The following SLC9A9 variants were observed in gnomAD, a reference collection of about 807,000 sequenced individuals.
SLC9A9 encodes sodium/hydrogen exchanger 9.
In SLC9A9, 62 loss-of-function variants were observed where a neutral mutation model predicts 77.8. That is an observed-to-expected ratio of 0.80 (90% CI 0.65 to 0.98). The LOEUF (loss-of-function observed/expected upper bound fraction) is 0.98, where lower values mean the gene tolerates loss of function less well. Ranked by LOEUF, SLC9A9 falls within the 50% of genes least tolerant of loss-of-function variation. SLC9A9 has a pLI of 0.00. For missense variants in SLC9A9, 775 were observed against 774.9 expected, an observed-to-expected ratio of 1.00 and a Z score of 0.00; for synonymous variants, 320 against 283.5, an observed-to-expected ratio of 1.13 and a Z score of -1.29.
chr3:143,524,614 G>A (rs1330434027), intron 9 of SLC9A9, among the ~76,000 whole-genome samples: 2 of 152,042 alleles, frequency 1.3e-5, no homozygotes, highest in Non-Finnish European at 2.9e-5. Context: ...ACTTTCCAGA[G>A]CCCCTATCAT....
intron 12 of SLC9A9, among the ~76,000 whole-genome samples, chr3:143,388,499 A>G (rs1205612853): frequency 2.0e-5 from 3 of 152,176 alleles, no homozygotes; most frequent in Non-Finnish European, 2.9e-5. Context: ...TCCCAACTAT[A>G]AGAGGGGATA....
intron 12 of SLC9A9, among the ~76,000 whole-genome samples, chr3:143,456,753 C>T (rs186065469): frequency 1.5e-4 from 23 of 151,970 alleles, no homozygotes; most frequent in African/African-American, 3.4e-4. Context: ...TTAATAGAGA[C>T]GGAGTTTCAC....
intron 12 of SLC9A9, among the ~76,000 whole-genome samples, chr3:143,419,628 C>T (rs956741842): frequency 6.6e-6 from 1 of 152,148 alleles, no homozygotes; most frequent in African/African-American, 2.4e-5. Flanking sequence ...TTATGAAGGC[C>T]TACCCTGTGT....
At chr3:143,507,894 G>A (rs144274280) in intron 9 of SLC9A9, among the ~76,000 whole-genome samples, 1 of 152,230 alleles carries the variant, frequency 6.6e-6, no homozygotes, top group East Asian at 1.9e-4. Flanking sequence ...AGAGCAGAGA[G>A]AATGAGCAAG....
intron 14 of SLC9A9, among the ~76,000 whole-genome samples, chr3:143,340,541 T>C (rs1171083061): frequency 6.6e-6 from 1 of 152,200 alleles, no homozygotes; most frequent in East Asian, 1.9e-4. Context: ...TTGCAACCAC[T>C]CTATAGCTAG....
chr3:143,709,492 A>G (rs1934084528), intron 4 of SLC9A9, among the ~76,000 whole-genome samples: 1 of 152,160 alleles, frequency 6.6e-6, no homozygotes, highest in African/African-American at 2.4e-5. Context: ...CACTTTGAGT[A>G]TGAAACTCGA....
At chr3:143,812,882 C>T (rs2008905609) in intron 2 of SLC9A9, among the ~76,000 whole-genome samples, 2 of 152,292 alleles carry the variant, frequency 1.3e-5, no homozygotes, top group Admixed American at 6.5e-5. Context: ...ACATTTACTA[C>T]ATTAAGCCGC....
chr3:143,611,959 T>TGAGAAA (rs1442577020), intron 6 of SLC9A9, among the ~76,000 whole-genome samples: 1 of 152,158 alleles, frequency 6.6e-6, no homozygotes, highest in African/African-American at 2.4e-5. Context: ...TAGTCTCAAA[T>TGAGAAA]TCCTGGGTTC....
chr3:143,717,288 G>A (rs746275050), intron 4 of SLC9A9, among the ~76,000 whole-genome samples: 5 of 152,180 alleles, frequency 3.3e-5, no homozygotes, highest in Non-Finnish European at 7.3e-5. Flanking sequence ...GCTGGTCACT[G>A]GACTAGATGT....
chr3:143,790,411 G>C lies in SLC9A9; in HGVS notation c.533+4590C>G, dbSNP rs572213309. Among the ~76,000 whole-genome samples the C allele has an allele frequency of 4.6e-5, 7 of 152,264 alleles. No individual in the cohort carries two copies. The South Asian group carries it at 1.5e-3, about 32-fold the overall frequency. On this transcript the variant is annotated intron_variant, in intron 4 of 15. Coordinates refer to ENST00000316549, the MANE Select transcript of SLC9A9 (RefSeq NM_173653.4). ...TGCAATTATATTCACAGCCAATTCTGAAATATTTAGATTTTTCATGATTTC... is the reference window on the plus strand; with the variant it reads ...TGCAATTATATTCACAGCCAATTCTCAAATATTTAGATTTTTCATGATTTC...
At chr3:143,667,367 C>A (rs1350739054) in intron 5 of SLC9A9, among the ~76,000 whole-genome samples, 2 of 152,160 alleles carry the variant, frequency 1.3e-5, no homozygotes, top group African/African-American at 4.8e-5. Context: ...AGACTTAAAA[C>A]CATAAAAACC....
At chr3:143,451,804 C>CAA (rs2035012900) in intron 12 of SLC9A9, among the ~76,000 whole-genome samples, 1 of 152,034 alleles carries the variant, frequency 6.6e-6, no homozygotes, top group Admixed American at 6.6e-5. Context: ...TGGGATAAGA[C>CAA]ATATCAGAGT....
intron 6 of SLC9A9, among the ~76,000 whole-genome samples, chr3:143,644,661 G>T (rs1453605715): frequency 6.6e-6 from 1 of 152,140 alleles, no homozygotes; most frequent in Non-Finnish European, 1.5e-5. Flanking sequence ...TCCCAGGGTG[G>T]CCTTGCCATT....
chr3:143,544,497 T>C (rs537732568), intron 9 of SLC9A9, among the ~76,000 whole-genome samples: 7 of 152,268 alleles, frequency 4.6e-5, no homozygotes, highest in African/African-American at 1.7e-4. Flanking sequence ...AAAGTGCCCT[T>C]TGCCCAATTT....
At chr3:143,432,679 G>A (rs980980804) in intron 12 of SLC9A9, among the ~76,000 whole-genome samples, 108 of 152,298 alleles carry the variant, frequency 7.1e-4, no homozygotes, top group African/African-American at 2.5e-3. Context: ...CCAGGCTGGA[G>A]TGCAGTGGCG....
At chr3:143,616,232 C>A (rs1420452826) in intron 6 of SLC9A9, among the ~76,000 whole-genome samples, 1 of 152,098 alleles carries the variant, frequency 6.6e-6, no homozygotes, top group Non-Finnish European at 1.5e-5. Context: ...TTCACTTTTA[C>A]CATCTGCACA....
chr3:143,506,050 A>C (rs1395339162), intron 9 of SLC9A9, among the ~76,000 whole-genome samples: 1 of 152,236 alleles, frequency 6.6e-6, no homozygotes, highest in Admixed American at 6.5e-5. Flanking sequence ...ATTTAAGTTA[A>C]TATACATAAA....
At chr3:143,766,963 A>G (rs765879348) in intron 4 of SLC9A9, among the ~76,000 whole-genome samples, 1 of 152,190 alleles carries the variant, frequency 6.6e-6, no homozygotes, top group Non-Finnish European at 1.5e-5. Context: ...ATTTATTCTT[A>G]AAAAGTATGG....
At chr3:143,664,068 G>C (rs2039022987) in intron 5 of SLC9A9, among the ~76,000 whole-genome samples, 1 of 151,922 alleles carries the variant, frequency 6.6e-6, no homozygotes, top group African/African-American at 2.4e-5. Flanking sequence ...AAATGTTAAG[G>C]GCAGCCAGAG....
Sources: gnomAD v4.1 joint callset for allele counts (sites outside exome capture counted in the v4.1 genomes callset) on GRCh38, gnomAD v4.1.1 for gene constraint, MANE v1.5 for transcripts, NCBI Gene and HGNC (gene_info 2026-07-23, HGNC 2026-07-21) for gene names.